The following RTKN variants were observed in gnomAD, a reference collection of about 807,000 sequenced individuals.
RTKN encodes rhotekin.
In RTKN, 49 loss-of-function variants were observed where a neutral mutation model predicts 63.5. The observed-to-expected ratio is 0.77, with a 90% CI of 0.61 to 0.98. The LOEUF is 0.98. Ranked by LOEUF, RTKN falls within the 50% of genes least tolerant of loss-of-function variation. The pLI, the probability that RTKN is intolerant of heterozygous loss-of-function variation, is 0.00. For missense variants in RTKN, 685 were observed against 740.8 expected, an observed-to-expected ratio of 0.92 and a Z score of 0.87; for synonymous variants, 295 against 290.4, an observed-to-expected ratio of 1.02 and a Z score of -0.16.
chr2:74,432,632 A>T lies in RTKN; in HGVS notation c.146T>A (p.Ile49Asn). 4 of 1,613,990 alleles carry T rather than the reference A, an allele frequency of 2.5e-6. No homozygotes were observed. The highest frequency in any genetic ancestry group is 1.6e-4 in the Middle Eastern group (1 of 6,062). The change falls in exon 2 of 12, where the codon ATC becomes AAC. Residue 49 changes from isoleucine (I) to asparagine (N), a missense_variant. Physicochemically the swap from Ile to Asn is moderately radical, Grantham distance 149. Coordinates refer to ENST00000272430, the MANE Select transcript of RTKN (RefSeq NM_001015055.2). ...CTTACAGGCCCCTTCCCTCATCCGG[A>T]TCTCATGGTCTAGCTTCCTCTGCAA... ...TELQRKLDHE[I>N]RMREGACKLL...
At chr2:74,441,148 C>T (rs894611603) in intron 1 of RTKN, among the ~76,000 whole-genome samples, 2 of 152,208 alleles carry the variant, frequency 1.3e-5, no homozygotes, top group African/African-American at 2.4e-5. Flanking sequence ...GAAAAGGAGG[C>T]GGAAATTTTG....
At chr2:74,433,258 A>G (rs1191576760) in intron 1 of RTKN, among the ~76,000 whole-genome samples, 2 of 145,864 alleles carry the variant, frequency 1.4e-5, no homozygotes, top group East Asian at 2.0e-4. Context: ...AAAAAAAAAC[A>G]TATATATATA....
intron 1 of RTKN, chr2:74,439,774 C>T: frequency 6.8e-7 from 1 of 1,471,768 alleles, no homozygotes; most frequent in Non-Finnish European, 9.1e-7. Context: ...TGCCCTTATC[C>T]CTCTGCACTC....
chr2:74,426,983 G>A, intron 11 of RTKN, 186 bp downstream of exon 11: 4 of 985,368 alleles, frequency 4.1e-6, no homozygotes, highest in Non-Finnish European at 4.8e-6. Flanking sequence ...TTGAACTTTG[G>A]TGGAGGTGGT....
intron 1 of RTKN, among the ~76,000 whole-genome samples, chr2:74,435,420 T>C (rs1484053009): frequency 6.6e-6 from 1 of 152,226 alleles, no homozygotes; most frequent in Admixed American, 6.5e-5. Flanking sequence ...ATGCTTATTT[T>C]AATGACGCTA....
At chr2:74,439,442 T>C (rs1433161501) in intron 1 of RTKN, 1 of 1,271,506 alleles carries the variant, frequency 7.9e-7, no homozygotes, top group Admixed American at 1.9e-5. Context: ...TCTTCCCACT[T>C]TAAGCAGGCC....
At chr2:74,428,206 G>T in intron 9 of RTKN, 62 bp downstream of exon 9, 1 of 1,611,356 alleles carries the variant, frequency 6.2e-7, no homozygotes, top group South Asian at 1.1e-5. Context: ...CCCTCCTGGG[G>T]CCTGAAGGAG....
rs146622121 is a variant in RTKN at position 74,429,959 on chromosome 2, G to T, written c.624C>A (p.Gly208=). ...GTTTGGTGGCAAGCCTCTTGGGGCC[G>T]CCAGTCAGGGCCCCCTCTTCTTCCA... is the stretch of plus-strand genomic sequence containing the variant. ...ACVEEEGALT[G]GPKRLATKLS... Residue 208 remains glycine, a synonymous_variant, in exon 6 of 12, where the codon GGC becomes GGA. Coordinates refer to ENST00000272430, the MANE Select transcript of RTKN (RefSeq NM_001015055.2). 42 of 1,614,092 alleles carry T rather than the reference G, an allele frequency of 2.6e-5. No individual in the cohort carries two copies. Among genetic ancestry groups the T allele is most frequent in the Non-Finnish European group, 3.5e-5 (41 of 1,180,026 alleles).
chr2:74,439,942 T>G, intron 1 of RTKN: 1 of 1,163,648 alleles, frequency 8.6e-7, no homozygotes. Context: ...AGGCACAGAG[T>G]GTCCAGTCTC....
chr2:74,426,369 A>T lies in RTKN; in HGVS notation c.1566T>A (p.Asp522Glu). 6.2e-7 allele frequency: 1 copy of T among 1,611,526 alleles called. No homozygotes were observed. The highest frequency in any genetic ancestry group is 1.1e-5 in the South Asian group (1 of 90,938). The change falls in exon 12 of 12, where the codon GAT becomes GAA. Residue 522 changes from aspartate (D) to glutamate (E), a missense_variant. Coordinates refer to ENST00000272430, the MANE Select transcript of RTKN (RefSeq NM_001015055.2). ...PWGRPRTFSL[D>E]AVPPDHSPRA... ...TAGGGGAGTGGTCTGGGGGGACAGC[A>T]TCCAGGGAAAAGGTTCGGGGTCTCC...
rs1670700073 is a variant in RTKN at position 74,430,683 on chromosome 2, G to A, written c.312-6C>T. ...GCGGGCCACTGTCAGAAGGCCTGTG[G>A]ATAAATCACAATGTCCTGGCCTGGC... On this transcript the variant is annotated splice_polypyrimidine_tract_variant and splice_region_variant and intron_variant, in intron 2 of 11. Coordinates refer to ENST00000272430, the MANE Select transcript of RTKN (RefSeq NM_001015055.2). The A allele has an allele frequency of 1.2e-6, 2 of 1,610,324 alleles. No individual in the cohort carries two copies. Among genetic ancestry groups the A allele is most frequent in the Non-Finnish European group, 1.7e-6 (2 of 1,179,112 alleles).
chr2:74,430,060 G>A (rs1367188167), intron 5 of RTKN, 23 bp from the exon 6 acceptor site: 1 of 1,613,276 alleles, frequency 6.2e-7, no homozygotes, highest in Non-Finnish European at 8.5e-7. Context: ...AGAAAGGAGG[G>A]TGGTCACAGG....
intron 1 of RTKN, chr2:74,440,404 C>G: frequency 4.1e-6 from 4 of 986,558 alleles, no homozygotes; most frequent in Non-Finnish European, 4.8e-6. Flanking sequence ...AGGGGTGTGC[C>G]TGTCTGCTGC....
Position 74,427,469 on chromosome 2 carries a change from G to C in RTKN, c.1210C>G (p.Leu404Val). Residue 404 changes from leucine to valine, a missense_variant, in exon 10 of 12, where the codon CTG becomes GTG. Transcript: ENST00000272430. ...HTLQTESREA[L>V]QSWMEALWQL... ...CACAGAGCCTCCATCCAGCTCTGCA[G>C]TGCTTCCCGACTTTCTGTCTGAAGG... The C allele has an allele frequency of 5.0e-6, 8 of 1,614,164 alleles. No homozygotes were observed. The highest frequency in any genetic ancestry group is 2.2e-5 in the East Asian group (1 of 44,882).
At position 74,425,978 on chromosome 2, in the gene RTKN, C is replaced by A; in HGVS notation, c.*265G>T. Reference sequence around the variant, plus strand: ...GTGCCATCCTCAAAGCTGGTTAGTGCAGGGAGGTAGGGCAGAGTTGGTTCC... The same window carrying A: ...GTGCCATCCTCAAAGCTGGTTAGTGAAGGGAGGTAGGGCAGAGTTGGTTCC... On this transcript the variant is annotated 3_prime_UTR_variant, in exon 12 of 12. Transcript: ENST00000272430. 1 of 654,760 alleles carries A rather than the reference C, an allele frequency of 1.5e-6. No homozygotes were observed. Among genetic ancestry groups the A allele is most frequent in the East Asian group, 2.8e-5 (1 of 36,272 alleles). 40.6% of individuals were successfully genotyped at this position (654,760 alleles called of 1,614,324 possible). A position where few individuals can be genotyped will look rare whatever the true frequency, so the allele number is the denominator to read the frequency against.
At chr2:74,426,883 A>T in intron 11 of RTKN, 1 of 1,360,146 alleles carries the variant, frequency 7.4e-7, no homozygotes, top group Non-Finnish European at 9.4e-7. Flanking sequence ...TCAGAAGAAG[A>T]GACAGGAATC....
At chr2:74,429,055 T>A (rs1232764098) in intron 6 of RTKN, 113 bp from the exon 7 acceptor site, 14 of 796,402 alleles carry the variant, frequency 1.8e-5, no homozygotes, top group Admixed American at 4.1e-5. Context: ...GAAAACTCGC[T>A]TGCCTCCCCA....
chr2:74,441,909 C>T lies in RTKN; in HGVS notation c.-93G>A. 1 of 749,792 alleles carries T rather than the reference C, an allele frequency of 1.3e-6. No homozygotes were observed. The highest frequency in any genetic ancestry group is 1.7e-5 in the South Asian group (1 of 59,658). The allele number at this position is 749,792 out of a possible 1,614,324, so 46.4% of individuals were successfully genotyped here. A position where few individuals can be genotyped will look rare whatever the true frequency, so the allele number is the denominator to read the frequency against. On this transcript the variant is annotated 5_prime_UTR_variant, in exon 1 of 12. Transcript: ENST00000272430. ...CGGCTTCTGTCTCTCGACGCTCGTC[C>T]GCCAGTCCGGCCGGGAATCTCCCGC... is the stretch of plus-strand genomic sequence containing the variant.
rs1250054125 is a variant in RTKN at position 74,427,435 on chromosome 2, A to G, written c.1244T>C (p.Phe415Ser). 6.2e-7 allele frequency: 1 copy of G among 1,614,172 alleles called. No individual in the cohort carries two copies. Among genetic ancestry groups the G allele is most frequent in the South Asian group, 1.1e-5 (1 of 91,070 alleles). The change falls in exon 10 of 12, where the codon TTC (phenylalanine) becomes TCC (serine). Residue 415 changes from phenylalanine (F) to serine (S), a missense_variant. By Grantham distance (155) the Phe-to-Ser change is radical. Transcript: ENST00000272430. ...QSWMEALWQLFFDMSQWKQCC... is the reference protein window; with the variant it reads ...QSWMEALWQLSFDMSQWKQCC... ...CCCTTCTCTCTTACTCATGTCAAAG[A>G]AAAGCTGCCACAGAGCCTCCATCCA...
Sources: allele counts gnomAD v4.1 joint callset (sites outside exome capture counted in the v4.1 genomes callset), GRCh38; gene constraint gnomAD v4.1.1; transcripts MANE v1.5; gene names NCBI Gene and HGNC (gene_info 2026-07-23, HGNC 2026-07-21).